VPS13C: variants seen among roughly 807,000 people sequenced by gnomAD.
The protein encoded by VPS13C is vacuolar protein sorting 13 homolog C.
Under a neutral mutation model 456.8 loss-of-function variants are expected in VPS13C, and 358 were observed. That is an observed-to-expected ratio of 0.78 (90% CI 0.72 to 0.86). The LOEUF (loss-of-function observed/expected upper bound fraction) is 0.86. VPS13C is among the 40% of genes least tolerant of loss of function. VPS13C has a pLI of 0.00. For synonymous variants in VPS13C, 1,578 were observed against 1,486.7 expected (o/e 1.06, Z -1.41); for missense variants, 4,818 against 4,385.4 (o/e 1.10, Z -2.79).
intron 25 of VPS13C, 129 bp from the exon 26 acceptor site, chr15:61,973,661 A>T: frequency 1.6e-6 from 1 of 629,674 alleles, no homozygotes; most frequent in South Asian, 2.0e-5. Context: ...ACAATATAAC[A>T]CAATATACAA....
chr15:61,981,947 T>C (rs2045901556), intron 21 of VPS13C, among the ~76,000 whole-genome samples: 1 of 152,176 alleles, frequency 6.6e-6, no homozygotes, highest in Non-Finnish European at 1.5e-5. Context: ...AGATTCTCAA[T>C]TCAGCATGTA....
chr15:62,006,317 A>C (rs1405229156), intron 15 of VPS13C, among the ~76,000 whole-genome samples: 1 of 151,352 alleles, frequency 6.6e-6, no homozygotes, highest in Non-Finnish European at 1.5e-5. Context: ...ATGTGTTCTC[A>C]TTGTTCAATT....
In VPS13C at chr15:61,931,204, T is replaced by G. The variant is rs1364788702; in HGVS notation, c.5924A>C (p.His1975Pro). 1 of 1,614,152 alleles carries G rather than the reference T, an allele frequency of 6.2e-7. No homozygotes were observed. The highest frequency in any genetic ancestry group is 2.2e-5 in the East Asian group (1 of 44,872). Residue 1975 changes from histidine (H) to proline (P), a missense_variant, in exon 50 of 85, where the codon CAT (histidine) becomes CCT (proline). Coordinates refer to ENST00000644861, the MANE Select transcript of VPS13C (RefSeq NM_020821.3). ...DSFQLGELRLHLMASSGKMFK... is the reference protein window; with the variant it reads ...DSFQLGELRLPLMASSGKMFK... ...CATCTTCCCTGAGGAGGCCATAAGA[T>G]GTAGTCTGAGTTCACCAAGTTGGAA...
chr15:61,894,880 C>G (rs188585925), intron 66 of VPS13C, among the ~76,000 whole-genome samples: 97 of 152,234 alleles, frequency 6.4e-4, no homozygotes, highest in African/African-American at 2.3e-3. Context: ...CACTTTAGAC[C>G]AAATGGACCT....
At chr15:62,016,741 T>C (rs566982109) in intron 9 of VPS13C, among the ~76,000 whole-genome samples, 1 of 152,186 alleles carries the variant, frequency 6.6e-6, no homozygotes, top group Non-Finnish European at 1.5e-5. Context: ...CATGTGTACA[T>C]GTGTCTTTAG....
Position 62,008,456 on chromosome 15 carries a change from A to G in VPS13C, c.1118+199T>C, listed in dbSNP as rs544467293. ...GAAATACAAGTGGATGTTCATATGA[A>G]AAAAGTAATATGGACATACAAAAGA... On this transcript the variant is annotated intron_variant, in intron 14 of 84. Coordinates refer to ENST00000644861, the MANE Select transcript of VPS13C (RefSeq NM_020821.3). Among the ~76,000 whole-genome samples the G allele has an allele frequency of 2.6e-5, 4 of 152,284 alleles. No individual in the cohort carries two copies. In the South Asian group the frequency reaches 8.3e-4, roughly 32 times the overall value.
At chr15:62,039,851 T>C (rs1385908485) in intron 3 of VPS13C, among the ~76,000 whole-genome samples, 1 of 152,152 alleles carries the variant, frequency 6.6e-6, no homozygotes, top group Non-Finnish European at 1.5e-5. Flanking sequence ...CCAATCCCAC[T>C]GCTAGGTATA....
At chr15:61,913,576 A>T (rs977767599) in intron 61 of VPS13C, among the ~76,000 whole-genome samples, 161 bp from the exon 62 acceptor site, 1 of 152,094 alleles carries the variant, frequency 6.6e-6, no homozygotes, top group Admixed American at 6.6e-5. Flanking sequence ...ACCACAAAAA[A>T]CTCTAGGGAA....
intron 5 of VPS13C, among the ~76,000 whole-genome samples, chr15:62,032,936 G>A (rs1286625822): frequency 6.6e-6 from 1 of 151,412 alleles, no homozygotes; most frequent in Non-Finnish European, 1.5e-5. Context: ...TAAACGTAAG[G>A]CAGGATGTTA....
intron 1 of VPS13C, among the ~76,000 whole-genome samples, chr15:62,045,879 T>G (rs1411148983): frequency 2.0e-5 from 3 of 152,034 alleles, no homozygotes; most frequent in Admixed American, 1.3e-4. Context: ...CATGGGAAAA[T>G]GTTCACAGAA....
At chr15:62,037,348 T>TAATATATATATATATA (rs2048079527) in intron 3 of VPS13C, among the ~76,000 whole-genome samples, 1 of 86,108 alleles carries the variant, frequency 1.2e-5, no homozygotes, top group Non-Finnish European at 2.3e-5. Context: ...ATATAATATA[T>TAATATATATATATATA]TATATATAAA....
In VPS13C at chr15:61,922,589, C is replaced by T. The variant is rs774586346; in HGVS notation, c.6783G>A (p.Thr2261=). 43 of 1,613,908 alleles carry T rather than the reference C, an allele frequency of 2.7e-5. No individual in the cohort carries two copies. Among genetic ancestry groups the T allele is most frequent in the Middle Eastern group, 3.3e-4 (2 of 6,084 alleles). ...AATGTTCAATGCCTTTGAAGCTTTC[C>T]GTTATTTCTGTTGCCGTGTCAACAC... ...FLGVDTATEI[T]ESFKGIEHSL... Residue 2261 remains threonine (T), a synonymous_variant, in exon 54 of 85, where the codon ACG becomes ACA. Coordinates refer to ENST00000644861, the MANE Select transcript of VPS13C (RefSeq NM_020821.3).
intron 20 of VPS13C, 183 bp downstream of exon 20, chr15:61,983,637 T>C (rs2045950835): frequency 5.1e-6 from 3 of 587,054 alleles, no homozygotes; most frequent in East Asian, 3.1e-5. Flanking sequence ...GAAAAATGTA[T>C]TGCATATGAA....
chr15:61,963,000 T>A, intron 32 of VPS13C, 148 bp from the exon 33 acceptor site: 1 of 515,308 alleles, frequency 1.9e-6, no homozygotes, highest in Non-Finnish European at 3.3e-6. Context: ...AATATTAGAG[T>A]TTTTTGGTTT....
intron 79 of VPS13C, 127 bp downstream of exon 79, chr15:61,871,862 G>A: frequency 1.3e-6 from 1 of 779,648 alleles, no homozygotes; most frequent in Non-Finnish European, 2.0e-6. Context: ...AGCAACTTAA[G>A]GCTACGAATA....
intron 74 of VPS13C, among the ~76,000 whole-genome samples, chr15:61,878,202 T>A (rs983928161): frequency 6.6e-6 from 1 of 151,848 alleles, no homozygotes; most frequent in Non-Finnish European, 1.5e-5. Flanking sequence ...AGGGAATTTT[T>A]TTTCACCCAG....
chr15:61,969,407 G>A lies in VPS13C; in HGVS notation c.2803C>T (p.Leu935=), dbSNP rs1216224865. 1 of 1,579,282 alleles carries A rather than the reference G, an allele frequency of 6.3e-7. No homozygotes were observed. The highest frequency in any genetic ancestry group is 8.6e-7 in the Non-Finnish European group (1 of 1,161,142). ...CCTAACTGAGTAACATTAAATACTAGAATTGTATCTTCTTCTTTCTGCTGT... is the reference window on the plus strand; with the variant it reads ...CCTAACTGAGTAACATTAAATACTAAAATTGTATCTTCTTCTTTCTGCTGT... ...TKQQKEEDTI[L]VFNVTQLGTE... Residue 935 remains leucine, a synonymous_variant, in exon 28 of 85, where the codon CTA becomes TTA. Transcript: ENST00000644861.
chr15:62,009,362 T>TAA (rs574768476), intron 13 of VPS13C, among the ~76,000 whole-genome samples: 1 of 142,314 alleles, frequency 7.0e-6, no homozygotes, highest in African/African-American at 2.6e-5. Context: ...CAGAGAAGAT[T>TAA]AAAAAAAAAA....
At chr15:61,929,441 G>A (rs1335635416) in intron 51 of VPS13C, 60 bp downstream of exon 51, 2 of 1,528,436 alleles carry the variant, frequency 1.3e-6, no homozygotes, top group African/African-American at 1.4e-5. Flanking sequence ...TCTTTTTTCT[G>A]GTTTGTAATT....
Sources: gnomAD v4.1 joint callset for allele counts (sites outside exome capture counted in the v4.1 genomes callset) on GRCh38, gnomAD v4.1.1 for gene constraint, MANE v1.5 for transcripts, NCBI Gene and HGNC (gene_info 2026-07-23, HGNC 2026-07-21) for gene names.